The following MPND variants were observed in gnomAD, a reference collection of about 807,000 sequenced individuals.
MPND encodes the protein MPN domain containing, also known as MPN domain-containing protein.
A neutral mutation model predicts 59.2 loss-of-function variants in MPND; 56 were observed. The ratio of observed to expected loss-of-function variants is 0.95; its 90% CI spans 0.76 to 1.18. The LOEUF (loss-of-function observed/expected upper bound fraction) is 1.18, where lower values mean the gene tolerates loss of function less well. Among genes scored for constraint, MPND ranks in the 50% most tolerant of loss-of-function variants. The pLI is 0.00. For missense variants in MPND, 671 were observed against 676.0 expected, an observed-to-expected ratio of 0.99 and a Z score of 0.08; for synonymous variants, 323 against 291.9, an observed-to-expected ratio of 1.11 and a Z score of -1.09.
intron 2 of MPND, among the ~76,000 whole-genome samples, chr19:4,345,040 CTTT>C (rs773615575): frequency 1.5e-4 from 10 of 66,452 alleles, no homozygotes; most frequent in African/African-American, 5.1e-4. Flanking sequence ...CATGCCCGGC[CTTT>C]TTTTTTTTTT....
intron 6 of MPND, 50 bp from the exon 7 acceptor site, chr19:4,354,899 G>A (rs780971294): frequency 1.3e-6 from 2 of 1,523,010 alleles, no homozygotes; most frequent in African/African-American, 1.4e-5. Context: ...TCCAGTGTTG[G>A]GGCAGGGCCA....
chr19:4,346,041 A>G, intron 3 of MPND, 60 bp downstream of exon 3: 1 of 1,384,350 alleles, frequency 7.2e-7, no homozygotes, highest in Non-Finnish European at 1.0e-6. Context: ...AGGGGTGCCC[A>G]GCCTGGCACA....
At chr19:4,348,406 A>C (rs1235526904) in intron 3 of MPND, 1 of 148,426 alleles carries the variant, frequency 6.7e-6, no homozygotes, top group East Asian at 2.1e-4. Flanking sequence ...GATTACAGGC[A>C]CACACCACCA....
rs1468129416 is a variant in MPND at position 4,354,964 on chromosome 19, C to T, written c.862C>T (p.Leu288=). ...CCTTCCCCAGGACTTCCACAGTCAC[C>T]TGACACGGAGTGAGGTCGTGGGTTA... ...VLFLLDFHSH[L]TRSEVVGYLG... is the part of the protein sequence containing the mutation. Residue 288 remains leucine (L), a synonymous_variant, in exon 7 of 13, where the codon CTG becomes TTG. Coordinates refer to ENST00000599840, the MANE Select transcript of MPND (RefSeq NM_001300862.2). The T allele has an allele frequency of 6.3e-7, 1 of 1,596,590 alleles. No individual in the cohort carries two copies. The highest frequency in any genetic ancestry group is 1.4e-5 in the African/African-American group (1 of 73,624).
chr19:4,351,149 G>A (rs932980005), intron 3 of MPND, among the ~76,000 whole-genome samples: 16 of 152,340 alleles, frequency 1.1e-4, no homozygotes, highest in South Asian at 2.1e-4. Flanking sequence ...CGTCACCCAG[G>A]CTGTAGTACA....
chr19:4,353,855 G>A, intron 4 of MPND, 190 bp from the exon 5 acceptor site: 1 of 544,226 alleles, frequency 1.8e-6, no homozygotes, highest in Middle Eastern at 3.0e-4. Context: ...GTAAATAAGA[G>A]TCTCACTCTG....
At chr19:4,354,883 G>T in intron 6 of MPND, 66 bp from the exon 7 acceptor site, 1 of 1,462,740 alleles carries the variant, frequency 6.8e-7, no homozygotes, top group Non-Finnish European at 9.3e-7. Context: ...GAGGGCACAG[G>T]CTGGCTCCAG....
In MPND at chr19:4,357,350, C is replaced by G. The variant is rs534214483; in HGVS notation, c.1094C>G (p.Ala365Gly). ...CTGCCATCTCTGCAGGACATCGACGCACAGATGGACTACCAGCTGCGGCTG... is the reference window on the plus strand; with the variant it reads ...CTGCCATCTCTGCAGGACATCGACGGACAGATGGACTACCAGCTGCGGCTG... ...PALPSLQDIDAQMDYQLRLQG... is the reference protein window; with the variant it reads ...PALPSLQDIDGQMDYQLRLQG... The change falls in exon 9 of 13, where the codon GCA becomes GGA. Residue 365 changes from alanine to glycine, a missense_variant. Transcript: ENST00000599840. 1.4e-5 allele frequency: 23 copies of G among 1,613,280 alleles called. No homozygotes were observed. In the East Asian group the frequency reaches 4.9e-4, roughly 34 times the overall value.
At chr19:4,344,258 G>A (rs1599563279) in intron 2 of MPND, among the ~76,000 whole-genome samples, 1 of 151,272 alleles carries the variant, frequency 6.6e-6, no homozygotes, top group African/African-American at 2.4e-5. Flanking sequence ...ACATGAAGAG[G>A]GGAGACTGAG....
intron 11 of MPND, 106 bp downstream of exon 11, chr19:4,358,278 G>A (rs1972490633): frequency 3.0e-6 from 3 of 996,150 alleles, no homozygotes; most frequent in Non-Finnish European, 4.5e-6. Context: ...ATGGCTGGTG[G>A]CGCCTTGGGG....
chr19:4,352,873 G>A, intron 3 of MPND, 24 bp from the exon 4 acceptor site: 1 of 1,334,680 alleles, frequency 7.5e-7, no homozygotes, highest in African/African-American at 1.5e-5. Context: ...TCCCACCGCT[G>A]TCCCTGACCC....
chr19:4,353,123 G>A (rs1317057831), intron 4 of MPND, 94 bp downstream of exon 4: 2 of 1,047,936 alleles, frequency 1.9e-6, no homozygotes, highest in Non-Finnish European at 2.5e-6. Context: ...TCTTCTCCTA[G>A]GGCCCCCAAG....
intron 3 of MPND, 25 bp from the exon 4 acceptor site, chr19:4,352,861 GGTCCCACCGCT>G (rs757065224): frequency 3.8e-6 from 5 of 1,321,962 alleles, no homozygotes; most frequent in Non-Finnish European, 4.9e-6. Context: ...CCCAGCTGAG[GGTCCCACCGCT>G]GTCCCTGACC....
In MPND at chr19:4,360,014, C is replaced by T; in HGVS notation, c.*12C>T. 1.3e-6 allele frequency: 2 copies of T among 1,554,908 alleles called. No individual in the cohort carries two copies. The highest frequency in any genetic ancestry group is 1.2e-5 in the South Asian group (1 of 84,334). ...AGCAGGGGAGCTGAGCCTTCCAGGG[C>T]AGGGTGGGCTCCAGTTGTCTTGAGG... On this transcript the variant is annotated 3_prime_UTR_variant, in exon 13 of 13. Coordinates refer to ENST00000599840, the MANE Select transcript of MPND (RefSeq NM_001300862.2).
At chr19:4,347,887 GTTTTTTTTTGTT>G in intron 3 of MPND, 1 of 152,838 alleles carries the variant, frequency 6.5e-6, no homozygotes, top group Admixed American at 7.3e-5. Context: ...TCCATATTGT[GTTTTTTTTTGTT>G]TTTTTTTTTT....
chr19:4,352,969 TC>T lies in MPND; in HGVS notation c.605del (p.Ser202Ter). The stretch of plus-strand genomic sequence containing the variant: ...GGAGGAGGACGTTCTGGCAGGGGTC[TC>T]AGCAGAGGACAAGAGTCGGAGACCA... ...EEEEDVLAGV[S>X]AEDKSRRPLG... On this transcript the variant is annotated frameshift_variant, in exon 4 of 13. Transcript: ENST00000599840. LOFTEE classifies it high-confidence loss of function. 1 of 1,388,646 alleles carries T rather than the reference TC, an allele frequency of 7.2e-7. No homozygotes were observed. The highest frequency in any genetic ancestry group is 2.7e-5 in the Admixed American group (1 of 36,528). The allele number at this position is 1,388,646 out of a possible 1,614,324, so 86.0% of individuals were successfully genotyped here. A position where few individuals can be genotyped will look rare whatever the true frequency, so the allele number is the denominator to read the frequency against.
At chr19:4,359,813 CAGG>C in intron 12 of MPND, 100 bp from the exon 13 acceptor site, 1 of 903,390 alleles carries the variant, frequency 1.1e-6, no homozygotes, top group Non-Finnish European at 1.7e-6. Context: ...GCCTCGGTCT[CAGG>C]GGGGCTCAGT....
At chr19:4,353,835 T>A (rs533879926) in intron 4 of MPND, 29 of 503,830 alleles carry the variant, frequency 5.8e-5, no homozygotes, top group Non-Finnish European at 8.5e-5. Flanking sequence ...TGAAAAAAAA[T>A]TTCTTCTTTG....
At chr19:4,352,514 G>A (rs1248163067) in intron 3 of MPND, among the ~76,000 whole-genome samples, 3 of 151,914 alleles carry the variant, frequency 2.0e-5, no homozygotes, top group Admixed American at 6.6e-5. Context: ...GAGAAATCCC[G>A]TCTCTACTAA....
Sources: allele counts gnomAD v4.1 joint callset (sites outside exome capture counted in the v4.1 genomes callset), GRCh38; gene constraint gnomAD v4.1.1; transcripts MANE v1.5; gene names NCBI Gene and HGNC (gene_info 2026-07-23, HGNC 2026-07-21).